The following NCK1 variants were observed in gnomAD, a reference collection of about 807,000 sequenced individuals.
The protein encoded by NCK1 is NCK adaptor protein 1, also known as SH2/SH3 adapter protein NCK1.
In NCK1, 19 loss-of-function variants were observed where a neutral mutation model predicts 36.6. The observed-to-expected ratio is 0.52, with a 90% confidence interval of 0.36 to 0.76. The LOEUF (loss-of-function observed/expected upper bound fraction) is 0.76. Ranked by LOEUF, NCK1 falls within the 30% of genes least tolerant of loss-of-function variation. The pLI, the probability that NCK1 is intolerant of heterozygous loss-of-function variation, is 0.00. For missense variants in NCK1, 358 were observed against 445.6 expected, an observed-to-expected ratio of 0.80 and a Z score of 1.77; for synonymous variants, 165 against 156.0, an observed-to-expected ratio of 1.06 and a Z score of -0.43.
chr3:136,873,249 T>C (rs543157012), intron 1 of NCK1, among the ~76,000 whole-genome samples: 1 of 152,344 alleles, frequency 6.6e-6, no homozygotes, highest in South Asian at 2.1e-4. Flanking sequence ...TGGATCAGCA[T>C]GACCTGGATG....
chr3:136,915,743 T>G (rs956023082), intron 1 of NCK1, among the ~76,000 whole-genome samples: 4 of 151,868 alleles, frequency 2.6e-5, no homozygotes, highest in Non-Finnish European at 4.4e-5. Context: ...TTTTTTTTTT[T>G]GAGATGGAGT....
intron 2 of NCK1, among the ~76,000 whole-genome samples, chr3:136,932,403 A>T (rs903950476): frequency 6.6e-6 from 1 of 152,232 alleles, no homozygotes; most frequent in East Asian, 1.9e-4. Context: ...TAGAAGAAAC[A>T]GAGTATTATG....
At chr3:136,912,210 T>G (rs540523090) in intron 1 of NCK1, among the ~76,000 whole-genome samples, 2 of 146,022 alleles carry the variant, frequency 1.4e-5, no homozygotes, top group Non-Finnish European at 3.0e-5. Flanking sequence ...TCACCCAGGC[T>G]GGAGTGCAGT....
At chr3:136,923,131 G>GTGCGTGTGTGTGCGCGCCTGTT (rs1343230906) in intron 1 of NCK1, among the ~76,000 whole-genome samples, 3 of 152,104 alleles carry the variant, frequency 2.0e-5, no homozygotes, top group Non-Finnish European at 4.4e-5. Context: ...GCGCGCCTGT[G>GTGCGTGTGTGTGCGCGCCTGTT]TGCATGTGTG....
At chr3:136,941,422 G>A (rs559201693) in intron 2 of NCK1, among the ~76,000 whole-genome samples, 82 of 152,200 alleles carry the variant, frequency 5.4e-4, no homozygotes, top group African/African-American at 2.0e-3. Context: ...GAGCCTCTGT[G>A]ACTGGACTAT....
intron 2 of NCK1, among the ~76,000 whole-genome samples, chr3:136,935,195 GGGC>G (rs1940499719): frequency 1.3e-5 from 2 of 152,090 alleles, no homozygotes; most frequent in Non-Finnish European, 2.9e-5. Flanking sequence ...CCCCCGTGCT[GGGC>G]CATTCTTTTT....
chr3:136,865,180 ACTC>A (rs1208180788), intron 1 of NCK1, among the ~76,000 whole-genome samples: 1 of 149,356 alleles, frequency 6.7e-6, no homozygotes, highest in Non-Finnish European at 1.5e-5. Context: ...CTGGTCTTGA[ACTC>A]CTGACCTCGT....
intron 2 of NCK1, among the ~76,000 whole-genome samples, chr3:136,944,264 G>A (rs1940753259): frequency 6.6e-6 from 1 of 151,730 alleles, no homozygotes; most frequent in African/African-American, 2.4e-5. Flanking sequence ...GACTACAGGT[G>A]CACACCACTG....
intron 1 of NCK1, among the ~76,000 whole-genome samples, chr3:136,873,960 T>C (rs554170970): frequency 6.6e-6 from 1 of 152,338 alleles, no homozygotes; most frequent in South Asian, 2.1e-4. Context: ...ACAGTAACCA[T>C]ATAGCTTGTA....
At chr3:136,933,359 T>C (rs893912660) in intron 2 of NCK1, among the ~76,000 whole-genome samples, 1 of 152,196 alleles carries the variant, frequency 6.6e-6, no homozygotes, top group Non-Finnish European at 1.5e-5. Context: ...GCAAACCAGG[T>C]CACATAAGGA....
chr3:136,864,910 A>T (rs1938368028), intron 1 of NCK1, among the ~76,000 whole-genome samples: 1 of 147,460 alleles, frequency 6.8e-6, no homozygotes, highest in African/African-American at 2.5e-5. Flanking sequence ...GGTGTGTGCC[A>T]CCATGCCTAG....
chr3:136,915,168 G>A (rs1441352317), intron 1 of NCK1, among the ~76,000 whole-genome samples: 5 of 152,228 alleles, frequency 3.3e-5, no homozygotes, highest in South Asian at 4.1e-4. Context: ...AGACTAATAC[G>A]TACCTTAAGG....
intron 1 of NCK1, among the ~76,000 whole-genome samples, chr3:136,926,387 G>C (rs865798543): frequency 6.6e-6 from 1 of 151,878 alleles, no homozygotes; most frequent in East Asian, 1.9e-4. Flanking sequence ...CCATTCTCCT[G>C]CCTCAGCGTC....
In NCK1 at chr3:136,949,307, G is replaced by T. The variant is rs1940913052; in HGVS notation, c.*854G>T. 2 of 151,862 alleles carry T rather than the reference G, an allele frequency of 1.3e-5. No homozygotes were observed. The highest frequency in any genetic ancestry group is 2.9e-5 in the Non-Finnish European group (2 of 67,834). The allele number at this position is 151,862 out of a possible 1,614,324, so 9.4% of individuals were successfully genotyped here. A position where few individuals can be genotyped will look rare whatever the true frequency, so the allele number is the denominator to read the frequency against. On this transcript the variant is annotated 3_prime_UTR_variant, in exon 4 of 4. Transcript: ENST00000481752. ...TTATGCCAGTGGGAAATAAGTTATG[G>T]CCAAGTTTTGCAAAAACAGGAAGCA... is the stretch of plus-strand genomic sequence containing the variant.
chr3:136,933,543 G>A (rs1940446461), intron 2 of NCK1, among the ~76,000 whole-genome samples: 1 of 151,880 alleles, frequency 6.6e-6, no homozygotes, highest in African/African-American at 2.4e-5. Flanking sequence ...TGGTAGTGAG[G>A]GAAAGATCAG....
In NCK1 at chr3:136,945,563, G is replaced by T; in HGVS notation, c.227-20G>T. 1 of 1,511,282 alleles carries T rather than the reference G, an allele frequency of 6.6e-7. No individual in the cohort carries two copies. The highest frequency in any genetic ancestry group is 9.0e-7 in the Non-Finnish European group (1 of 1,106,226). The allele number at this position is 1,511,282 out of a possible 1,614,324, so 93.6% of individuals were successfully genotyped here. On this transcript the variant is annotated intron_variant, in intron 2 of 3. Transcript: ENST00000481752. Reference sequence around the variant, plus strand: ...CATTTTTTTATATTCTCCTCTCATGGCCCTTTTTAATTTCAACAGGCATTG... The same window carrying T: ...CATTTTTTTATATTCTCCTCTCATGTCCCTTTTTAATTTCAACAGGCATTG...
intron 1 of NCK1, among the ~76,000 whole-genome samples, chr3:136,871,353 G>A (rs561720888): frequency 9.0e-4 from 137 of 152,130 alleles, no homozygotes; most frequent in African/African-American, 2.9e-3. Context: ...AGCTATGATC[G>A]CGCCACTGTA....
At chr3:136,875,810 A>G (rs1938750425) in intron 1 of NCK1, among the ~76,000 whole-genome samples, 1 of 150,134 alleles carries the variant, frequency 6.7e-6, no homozygotes, top group African/African-American at 2.5e-5. Flanking sequence ...GACCTAATAG[A>G]CATCTACAGA....
At chr3:136,897,337 C>T (rs1939416983) in intron 1 of NCK1, among the ~76,000 whole-genome samples, 1 of 152,198 alleles carries the variant, frequency 6.6e-6, no homozygotes, top group South Asian at 2.1e-4. Context: ...AGTGATCTGC[C>T]TGCCTTGGCC....
Sources: allele counts gnomAD v4.1 joint callset (sites outside exome capture counted in the v4.1 genomes callset), GRCh38; gene constraint gnomAD v4.1.1; transcripts MANE v1.5; gene names NCBI Gene and HGNC (gene_info 2026-07-23, HGNC 2026-07-21).